The following FHIT variants were observed in gnomAD, a reference collection of about 807,000 sequenced individuals.
FHIT encodes fragile histidine triad diadenosine triphosphatase, also known as bis(5'-adenosyl)-triphosphatase.
A neutral mutation model predicts 17.9 loss-of-function variants in FHIT; 19 were observed. That is an observed-to-expected ratio of 1.06 (90% CI 0.74 to 1.56). The LOEUF (loss-of-function observed/expected upper bound fraction) is 1.56, where lower values mean the gene tolerates loss of function less well. Ranked by LOEUF, FHIT falls within the 40% of genes most tolerant of loss-of-function variation. FHIT has a pLI of 0.00. For missense variants in FHIT, 248 were observed against 189.2 expected (o/e 1.31, Z -1.82); for synonymous variants, 81 against 69.7 (o/e 1.16, Z -0.81).
At chr3:60,750,171 A>G (rs1172406025) in intron 4 of FHIT, among the ~76,000 whole-genome samples, 1 of 152,160 alleles carries the variant, frequency 6.6e-6, no homozygotes, top group Non-Finnish European at 1.5e-5. Flanking sequence ...TCAGGAGTGC[A>G]TAGGATGAAC....
At chr3:60,443,106 T>C (rs1274644640) in intron 5 of FHIT, among the ~76,000 whole-genome samples, 1 of 152,188 alleles carries the variant, frequency 6.6e-6, no homozygotes, top group Non-Finnish European at 1.5e-5. Flanking sequence ...ATGCTTGTGA[T>C]TTTTGTACAT....
intron 4 of FHIT, among the ~76,000 whole-genome samples, chr3:60,633,838 G>A (rs781895000): frequency 5.3e-5 from 8 of 152,196 alleles, no homozygotes; most frequent in Non-Finnish European, 7.3e-5. Context: ...GCCACAGAGC[G>A]CCTCTGCGGA....
chr3:59,848,230 T>C (rs370977464), intron 8 of FHIT, among the ~76,000 whole-genome samples: 50 of 152,272 alleles, frequency 3.3e-4, no homozygotes, highest in African/African-American at 1.2e-3. Context: ...TGAAATTGAT[T>C]GAAATTAATC....
intron 5 of FHIT, among the ~76,000 whole-genome samples, chr3:60,229,295 C>T (rs9875624): frequency 0.28 from 42,791 of 151,658 alleles, 7,345 homozygotes; most frequent in African/African-American, 0.49. Flanking sequence ...TGAGCATCTG[C>T]AATCCCAGCT....
intron 5 of FHIT, among the ~76,000 whole-genome samples, chr3:60,316,187 C>A (rs1709157110): frequency 6.6e-6 from 1 of 152,094 alleles, no homozygotes; most frequent in South Asian, 2.1e-4. Context: ...ATGCAGTAAG[C>A]TAACTATAAA....
At chr3:61,099,512 T>C (rs2035752080) in intron 2 of FHIT, among the ~76,000 whole-genome samples, 2 of 152,178 alleles carry the variant, frequency 1.3e-5, no homozygotes, top group African/African-American at 4.8e-5. Context: ...TCTGTACATC[T>C]GGTAAAATTT....
intron 3 of FHIT, among the ~76,000 whole-genome samples, chr3:60,914,370 G>A (rs894958667): frequency 6.6e-6 from 1 of 152,038 alleles, no homozygotes; most frequent in African/African-American, 2.4e-5. Context: ...GATGTCCTAA[G>A]GCCATGAACC....
At chr3:61,125,884 A>G (rs1419225410) in intron 2 of FHIT, among the ~76,000 whole-genome samples, 1 of 152,242 alleles carries the variant, frequency 6.6e-6, no homozygotes, top group East Asian at 1.9e-4. Context: ...TCATTATAGT[A>G]TGCCCTTGAC....
intron 8 of FHIT, among the ~76,000 whole-genome samples, chr3:59,887,328 G>A (rs1285855368): frequency 6.6e-6 from 1 of 152,126 alleles, no homozygotes; most frequent in Non-Finnish European, 1.5e-5. Flanking sequence ...CAAAAGCCTG[G>A]GGAAGAACAG....
intron 5 of FHIT, among the ~76,000 whole-genome samples, chr3:60,126,927 T>C (rs1159516384): frequency 6.6e-6 from 1 of 152,120 alleles, no homozygotes; most frequent in Non-Finnish European, 1.5e-5. Context: ...AGGTGCGCGC[T>C]TCCGTAACTA....
chr3:60,143,271 G>A (rs371983548), intron 5 of FHIT, among the ~76,000 whole-genome samples: 3 of 152,136 alleles, frequency 2.0e-5, no homozygotes, highest in Non-Finnish European at 2.9e-5. Flanking sequence ...GGGGCCACAC[G>A]TATTTCCCCA....
intron 5 of FHIT, among the ~76,000 whole-genome samples, chr3:60,514,972 C>A (rs2035095711): frequency 1.3e-5 from 2 of 151,606 alleles, no homozygotes; most frequent in South Asian, 4.2e-4. Context: ...AGCATGTGAG[C>A]AGAGGCCACC....
intron 8 of FHIT, among the ~76,000 whole-genome samples, chr3:59,824,246 G>T (rs748701078): frequency 6.6e-6 from 1 of 152,152 alleles, no homozygotes; most frequent in Non-Finnish European, 1.5e-5. Context: ...ACAGAAGGAC[G>T]GAGGGAGGTA....
At chr3:60,888,284 C>T (rs528005195) in intron 3 of FHIT, among the ~76,000 whole-genome samples, 38 of 152,162 alleles carry the variant, frequency 2.5e-4, no homozygotes, top group Non-Finnish European at 4.4e-4. Context: ...ATTGTTTGTT[C>T]AGTTTTAGCC....
intron 3 of FHIT, among the ~76,000 whole-genome samples, chr3:60,862,236 C>T (rs1553752847): frequency 6.6e-6 from 1 of 152,018 alleles, no homozygotes. Context: ...TGGAGTGCGG[C>T]AGTGAGATCA....
At chr3:60,470,714 A>G (rs945087082) in intron 5 of FHIT, among the ~76,000 whole-genome samples, 2 of 152,032 alleles carry the variant, frequency 1.3e-5, no homozygotes, top group Non-Finnish European at 2.9e-5. Flanking sequence ...ACTGTGGCCA[A>G]ACTGGTACCC....
chr3:60,168,819 C>G (rs1044659951), intron 5 of FHIT, among the ~76,000 whole-genome samples: 2 of 152,154 alleles, frequency 1.3e-5, no homozygotes, highest in African/African-American at 4.8e-5. Flanking sequence ...CTCTTTCTGC[C>G]ACAGCAGTCA....
rs140596157 is a variant in FHIT, at chr3:60,291,579, G to A, written c.103+245281C>T. ...TCCAGCTTGCTTATTTATGTTTTCAGCTCGATTTTTCAGGCTGCTCTTTGG... is the reference window on the plus strand; with the variant it reads ...TCCAGCTTGCTTATTTATGTTTTCAACTCGATTTTTCAGGCTGCTCTTTGG... On this transcript the variant is annotated intron_variant, in intron 5 of 9. Coordinates refer to ENST00000492590, the MANE Select transcript of FHIT (RefSeq NM_002012.4). Among the ~76,000 whole-genome samples the A allele has an allele frequency of 2.5e-4, 38 of 152,226 alleles. No homozygotes were observed. In the East Asian group the frequency reaches 7.3e-3, roughly 29 times the overall value.
intron 5 of FHIT, among the ~76,000 whole-genome samples, chr3:60,047,144 G>C (rs76525121): frequency 0.054 from 8,164 of 152,274 alleles, 283 homozygotes; most frequent in South Asian, 0.1. Context: ...TCCACAAAAC[G>C]TAACAGTCGG....
Sources: gnomAD v4.1 joint callset for allele counts (sites outside exome capture counted in the v4.1 genomes callset) on GRCh38, gnomAD v4.1.1 for gene constraint, MANE v1.5 for transcripts, NCBI Gene and HGNC (gene_info 2026-07-23, HGNC 2026-07-21) for gene names.